The following PUF60 variants were observed in gnomAD, a reference collection of about 807,000 sequenced individuals.
PUF60 encodes the protein poly(U)-binding-splicing factor PUF60.
Under a neutral mutation model 61.8 loss-of-function variants are expected in PUF60, and 10 were observed. That is an observed-to-expected ratio of 0.16 (90% CI 0.10 to 0.27). The LOEUF (loss-of-function observed/expected upper bound fraction) is 0.27, where lower values mean the gene tolerates loss of function less well. Among genes scored for constraint, PUF60 ranks in the 10% least tolerant of loss-of-function variants. The probability of loss-of-function intolerance (pLI) is 1.00; values close to 1 mark genes in which losing one functional copy is unlikely to be tolerated. For missense variants in PUF60, 371 were observed against 754.0 expected, an observed-to-expected ratio of 0.49 and a Z score of 5.95; for synonymous variants, 353 against 300.9, an observed-to-expected ratio of 1.17 and a Z score of -1.79.
intron 5 of PUF60, 89 bp downstream of exon 5, chr8:143,820,577 A>G: frequency 7.1e-7 from 1 of 1,404,936 alleles, no homozygotes; most frequent in Admixed American, 1.7e-5. Flanking sequence ...CGGCCAGGGG[A>G]GCAAGGTCCC....
At chr8:143,828,501 C>T (rs944389591) in intron 1 of PUF60, among the ~76,000 whole-genome samples, 1 of 152,226 alleles carries the variant, frequency 6.6e-6, no homozygotes, top group African/African-American at 2.4e-5. Context: ...AACGCCTGCC[C>T]TGCCCGGGGA....
In PUF60 at chr8:143,817,992, G is replaced by A. The variant is rs764497081; in HGVS notation, c.687C>T (p.Tyr229=). 7.4e-6 allele frequency: 12 copies of A among 1,612,908 alleles called. No individual in the cohort carries two copies. The highest frequency in any genetic ancestry group is 3.3e-5 in the South Asian group (3 of 91,078). ...AGAGGTCCTGGTGCACAGAGGCCAC[G>A]TAGATGCGGTTGAAGGCCCGTGCCT... ...AEEARAFNRI[Y]VASVHQDLSD... The change falls in exon 8 of 12, where the codon TAC becomes TAT. Residue 229 remains tyrosine (Y), a synonymous_variant. Transcript: ENST00000526683. This position sits in a 1 kb window ranked among gnomAD's most constrained non-coding sequence, Gnocchi z 7.4.
chr8:143,823,523 C>T (rs2130366072), intron 2 of PUF60, among the ~76,000 whole-genome samples: 1 of 152,372 alleles, frequency 6.6e-6, no homozygotes, highest in South Asian at 2.1e-4. Context: ...TGGGCGCCAG[C>T]CAAGGGCCAG....
At chr8:143,820,531 G>T in intron 5 of PUF60, 135 bp downstream of exon 5, 1 of 1,031,520 alleles carries the variant, frequency 9.7e-7, no homozygotes, top group Non-Finnish European at 1.5e-6. Flanking sequence ...CACGCCTGGC[G>T]CTCTGCTGCG....
rs759683190 is a variant in PUF60, at chr8:143,821,489, T to C, written c.297+108A>G. The stretch of plus-strand genomic sequence containing the variant: ...CATGAGTCTTTGAGAATCGGAGCAC[T>C]GTAACAGCTTGCGGGGACGGCCGCA... On this transcript the variant is annotated intron_variant, in intron 4 of 11. Transcript: ENST00000526683. 1.0e-4 allele frequency: 106 copies of C among 1,037,954 alleles called. 1 individual carries two copies. The highest frequency in any genetic ancestry group is 2.9e-4 in the Middle Eastern group (1 of 3,406). The allele number at this position is 1,037,954 out of a possible 1,614,324, so 64.3% of individuals were successfully genotyped here. A position where few individuals can be genotyped will look rare whatever the true frequency, so the allele number is the denominator to read the frequency against.
At chr8:143,829,130 C>T in intron 1 of PUF60, 150 bp downstream of exon 1, 2 of 1,189,216 alleles carry the variant, frequency 1.7e-6, no homozygotes, top group Non-Finnish European at 2.1e-6. Context: ...CCGCCCCGCC[C>T]CCGCCTCACG....
At chr8:143,823,609 G>A (rs1026443834) in intron 2 of PUF60, among the ~76,000 whole-genome samples, 1 of 152,236 alleles carries the variant, frequency 6.6e-6, no homozygotes, top group Admixed American at 6.5e-5. Context: ...GTGTGCCTGG[G>A]GGACCAAGAG....
At chr8:143,822,909 AGAG>A (rs1434874398) in intron 2 of PUF60, 23 of 284,614 alleles carry the variant, frequency 8.1e-5, no homozygotes, top group South Asian at 5.3e-4. Flanking sequence ...GAGGGACAGC[AGAG>A]AAGAGAGAAG....
At chr8:143,828,785 G>A (rs1304030064) in intron 1 of PUF60, among the ~76,000 whole-genome samples, 1 of 152,188 alleles carries the variant, frequency 6.6e-6, no homozygotes, top group African/African-American at 2.4e-5. Flanking sequence ...CAGCACCGGA[G>A]AACGAATTCA....
intron 1 of PUF60, among the ~76,000 whole-genome samples, chr8:143,826,323 C>T (rs1000441579): frequency 1.3e-5 from 2 of 152,318 alleles, no homozygotes; most frequent in Admixed American, 6.5e-5. Flanking sequence ...TGGTGGCTCA[C>T]ACCTGTAACT....
chr8:143,817,288 C>T lies in PUF60; in HGVS notation c.1144+43G>A, dbSNP rs1224794868. The T allele has an allele frequency of 1.3e-6, 2 of 1,563,676 alleles. No individual in the cohort carries two copies. The highest frequency in any genetic ancestry group is 1.4e-5 in the African/African-American group (1 of 72,530). ...GCTGAGGGCAGCGAGCCGAGAGATG[C>T]CAGGACAGGAGAGGAGAGGATCTGG... On this transcript the variant is annotated intron_variant, in intron 10 of 11. Transcript: ENST00000526683. This position sits in a 1 kb window ranked among gnomAD's most constrained non-coding sequence, Gnocchi z 7.4.
chr8:143,816,876 C>A (rs761288843), intron 11 of PUF60, 34 bp downstream of exon 11: 19 of 1,570,796 alleles, frequency 1.2e-5, no homozygotes, highest in Non-Finnish European at 1.6e-5. Flanking sequence ...CCCCCCTACC[C>A]TCTCCCCCGC....
Position 143,818,344 on chromosome 8 carries a change from A to G in PUF60, c.510+29T>C, listed in dbSNP as rs780407218. 1 of 1,609,828 alleles carries G rather than the reference A, an allele frequency of 6.2e-7. No homozygotes were observed. Among genetic ancestry groups the G allele is most frequent in the South Asian group, 1.1e-5 (1 of 90,954 alleles). On this transcript the variant is annotated intron_variant, in intron 6 of 11. Transcript: ENST00000526683. This position sits in a 1 kb window ranked among gnomAD's most constrained non-coding sequence, Gnocchi z 7.9. ...AGCCCAGGGGTGGGGGCGAGCCCGA[A>G]GTGGCCGGGGCGGACCAAGCCTGCT...
Position 143,817,856 on chromosome 8 carries a change from G to A in PUF60, c.817+6C>T. On this transcript the variant is annotated splice_donor_region_variant and intron_variant, in intron 8 of 11. Coordinates refer to ENST00000526683, the MANE Select transcript of PUF60 (RefSeq NM_078480.3). The surrounding 1 kb of genome is among the most constrained non-coding windows in gnomAD (Gnocchi z 7.4). Reference sequence around the variant, plus strand: ...CCCCCATCCCGCCTCAGCCACCCCAGCTCACCAATGAAGCCGTAGCCCTTG... The same window carrying A: ...CCCCCATCCCGCCTCAGCCACCCCAACTCACCAATGAAGCCGTAGCCCTTG... 1 of 1,611,038 alleles carries A rather than the reference G, an allele frequency of 6.2e-7. No homozygotes were observed. Among genetic ancestry groups the A allele is most frequent in the Non-Finnish European group, 8.5e-7 (1 of 1,178,626 alleles).
chr8:143,829,143 A>C (rs1818010974), intron 1 of PUF60, 137 bp downstream of exon 1: 1 of 1,201,778 alleles, frequency 8.3e-7, no homozygotes, highest in South Asian at 4.2e-5. Context: ...GCCTCACGCG[A>C]CCCGGGGACA....
At chr8:143,826,477 G>A (rs1434993752) in intron 1 of PUF60, among the ~76,000 whole-genome samples, 1 of 152,242 alleles carries the variant, frequency 6.6e-6, no homozygotes, top group Non-Finnish European at 1.5e-5. Context: ...CACTTTGGGA[G>A]GCCGAGGCAG....
chr8:143,816,485 A>G lies in PUF60; in HGVS notation c.*35T>C. On this transcript the variant is annotated 3_prime_UTR_variant, in exon 12 of 12. Transcript: ENST00000526683. ...ATCACTATAAAACCCAGAGGAAACA[A>G]GGAACAAGTGCAAGTCCGGGGAGAG... is the stretch of plus-strand genomic sequence containing the variant. 2 of 1,576,494 alleles carry G rather than the reference A, an allele frequency of 1.3e-6. No individual in the cohort carries two copies. The highest frequency in any genetic ancestry group is 2.2e-5 in the East Asian group (1 of 44,666).
intron 5 of PUF60, among the ~76,000 whole-genome samples, chr8:143,819,705 C>T (rs1816796524): frequency 6.6e-6 from 1 of 152,186 alleles, no homozygotes; most frequent in African/African-American, 2.4e-5. Flanking sequence ...GCTCCCCACT[C>T]AGAGCAAGAC....
At position 143,818,705 on chromosome 8, in the gene PUF60, C is replaced by A; in HGVS notation, c.349-171G>T. 1 of 715,044 alleles carries A rather than the reference C, an allele frequency of 1.4e-6. No individual in the cohort carries two copies. The highest frequency in any genetic ancestry group is 2.0e-5 in the South Asian group (1 of 50,020). The allele number at this position is 715,044 out of a possible 1,614,324, so 44.3% of individuals were successfully genotyped here. A position where few individuals can be genotyped will look rare whatever the true frequency, so the allele number is the denominator to read the frequency against. On this transcript the variant is annotated intron_variant, in intron 5 of 11. Transcript: ENST00000526683. This position sits in a 1 kb window ranked among gnomAD's most constrained non-coding sequence, Gnocchi z 7.9. ...AGTCATAGTGTGGGGGTCGCAGGAC[C>A]CCGCCACCCAAAGAAGGAAGGCCAG...
Sources: allele counts gnomAD v4.1 joint callset (sites outside exome capture counted in the v4.1 genomes callset), GRCh38; gene constraint gnomAD v4.1.1; non-coding constraint Gnocchi (gnomAD v3.1); transcripts MANE v1.5; gene names NCBI Gene and HGNC (gene_info 2026-07-23, HGNC 2026-07-21).